Variants in SPSB1 observed in about 807,000 individuals in gnomAD.
SPSB1 encodes the protein splA/ryanodine receptor domain and SOCS box containing 1, also known as SPRY domain-containing SOCS box protein 1.
SPSB1 carries 8 observed loss-of-function variants against 21.2 expected under a neutral mutation model. That is an observed-to-expected ratio of 0.38 (90% CI 0.22 to 0.68). The LOEUF (loss-of-function observed/expected upper bound fraction) is 0.68, where lower values mean the gene tolerates loss of function less well. SPSB1 is among the 30% of genes least tolerant of loss of function. SPSB1 has a pLI of 0.53. For missense variants in SPSB1, 242 were observed against 377.8 expected (o/e 0.64, Z 2.98); for synonymous variants, 169 against 161.7 (o/e 1.05, Z -0.34).
At chr1:9,332,502 G>A (rs1479857303) in intron 1 of SPSB1, among the ~76,000 whole-genome samples, 5 of 152,198 alleles carry the variant, frequency 3.3e-5, no homozygotes, top group Admixed American at 3.3e-4. Flanking sequence ...ATGAGTGGGA[G>A]CAGGGTCACT....
At chr1:9,339,368 C>A in intron 1 of SPSB1, 4 of 904,452 alleles carry the variant, frequency 4.4e-6, no homozygotes, top group Non-Finnish European at 5.3e-6. Context: ...TGTGACTCAC[C>A]GCCAGGCCAG....
chr1:9,363,128 C>T lies in SPSB1; in HGVS notation c.695-4320C>T, dbSNP rs1368792150. Among the ~76,000 whole-genome samples the T allele has an allele frequency of 6.6e-6, 1 of 152,190 alleles. No individual in the cohort carries two copies. The highest frequency in any genetic ancestry group is 1.5e-5 in the Non-Finnish European group (1 of 68,030). ...GCATTTTTTCACGGCACGAAGCCCACGTCTGTTTCTGTGGCCATGCATTCT... is the reference window on the plus strand; with the variant it reads ...GCATTTTTTCACGGCACGAAGCCCATGTCTGTTTCTGTGGCCATGCATTCT... On this transcript the variant is annotated intron_variant, in intron 2 of 2. Coordinates refer to ENST00000328089, the MANE Select transcript of SPSB1 (RefSeq NM_025106.4). The surrounding 1 kb of genome is among the most constrained non-coding windows in gnomAD (Gnocchi z 4.5).
Position 9,324,429 on chromosome 1 carries a change from G to A in SPSB1, c.-149-31314G>A, listed in dbSNP as rs1397450584. Among the ~76,000 whole-genome samples the A allele has an allele frequency of 6.6e-6, 1 of 152,116 alleles. No homozygotes were observed. The highest frequency in any genetic ancestry group is 2.4e-5 in the African/African-American group (1 of 41,420). On this transcript the variant is annotated intron_variant, in intron 1 of 2. Coordinates refer to ENST00000328089, the MANE Select transcript of SPSB1 (RefSeq NM_025106.4). The surrounding 1 kb of genome is among the most constrained non-coding windows in gnomAD (Gnocchi z 4.3). ...GCTGTGATGAGCGTGGGGGCGTCTG[G>A]TGCCTGGGTGCACATCCCTGGCTGT...
At chr1:9,296,175 G>A (rs1570164555) in intron 1 of SPSB1, among the ~76,000 whole-genome samples, 2 of 152,200 alleles carry the variant, frequency 1.3e-5, no homozygotes, top group East Asian at 3.8e-4. Context: ...ATGGTTTCAT[G>A]GTTTCACGGT....
At chr1:9,335,943 A>T (rs1381925989) in intron 1 of SPSB1, among the ~76,000 whole-genome samples, 1 of 152,242 alleles carries the variant, frequency 6.6e-6, no homozygotes, top group African/African-American at 2.4e-5. Flanking sequence ...GCATTCATAC[A>T]TATCAAGTAC....
chr1:9,303,095 G>A (rs898699199), intron 1 of SPSB1, among the ~76,000 whole-genome samples: 4 of 152,150 alleles, frequency 2.6e-5, no homozygotes, highest in African/African-American at 9.7e-5. Context: ...GATGGTGTTG[G>A]CTGTGGAGAT....
At chr1:9,310,247 T>C (rs562522620) in intron 1 of SPSB1, among the ~76,000 whole-genome samples, 6 of 152,242 alleles carry the variant, frequency 3.9e-5, no homozygotes, top group African/African-American at 1.2e-4. Flanking sequence ...CTGGTGGGAC[T>C]TGCCTCTTGG....
At chr1:9,296,455 A>T (rs1184816909) in intron 1 of SPSB1, among the ~76,000 whole-genome samples, 2 of 152,222 alleles carry the variant, frequency 1.3e-5, no homozygotes, top group African/African-American at 4.8e-5. Context: ...TTTTGTTATT[A>T]TGGAAAATGT....
rs1639717061 is a variant in SPSB1 at position 9,321,186 on chromosome 1, A to AG, written c.-150+28116dup. 6.6e-6 allele frequency among the ~76,000 whole-genome samples: 1 copy of AG among 150,714 alleles called. No homozygotes were observed. Among genetic ancestry groups the AG allele is most frequent in the Admixed American group, 6.6e-5 (1 of 15,122 alleles). On this transcript the variant is annotated intron_variant, in intron 1 of 2. Coordinates refer to ENST00000328089, the MANE Select transcript of SPSB1 (RefSeq NM_025106.4). The surrounding 1 kb of genome is among the most constrained non-coding windows in gnomAD (Gnocchi z 4.8). The stretch of plus-strand genomic sequence containing the variant: ...CTGGAAAAAGCTCTTAAACCTTCTT[A>AG]GTTTAGTCTGCAGAGGCGTCTCAGG...
At chr1:9,329,096 G>T (rs74051624) in intron 1 of SPSB1, among the ~76,000 whole-genome samples, 12,342 of 152,226 alleles carry the variant, frequency 0.081, 1,653 homozygotes, top group African/African-American at 0.28. Context: ...AGGAGTTCGC[G>T]TGGGGGACAG....
rs1640621172 is a variant in SPSB1 at position 9,369,014 on chromosome 1, CTT to C, written c.*1441_*1442del. ...ATTTCTGCACAGGTACAATAGATGA[CTT>C]TATTTGTTTAAAATGTTTAATATAT... On this transcript the variant is annotated 3_prime_UTR_variant, in exon 3 of 3. Coordinates refer to ENST00000328089, the MANE Select transcript of SPSB1 (RefSeq NM_025106.4). 1.3e-5 allele frequency: 2 copies of C among 152,530 alleles called. No individual in the cohort carries two copies. The highest frequency in any genetic ancestry group is 4.2e-4 in the South Asian group (2 of 4,816). 9.4% of individuals were successfully genotyped at this position (152,530 alleles called of 1,614,324 possible). A position where few individuals can be genotyped will look rare whatever the true frequency, so the allele number is the denominator to read the frequency against.
intron 1 of SPSB1, among the ~76,000 whole-genome samples, chr1:9,335,943 A>G (rs1381925989): frequency 2.0e-5 from 3 of 152,242 alleles, no homozygotes; most frequent in Non-Finnish European, 4.4e-5. Context: ...GCATTCATAC[A>G]TATCAAGTAC....
chr1:9,299,366 C>T (rs1053842459), intron 1 of SPSB1, among the ~76,000 whole-genome samples: 6 of 152,182 alleles, frequency 3.9e-5, no homozygotes, highest in Non-Finnish European at 7.3e-5. Flanking sequence ...GGGCTGGGCA[C>T]GGTGGCTCAC....
Position 9,293,183 on chromosome 1 carries a change from A to C in SPSB1, c.-150+112A>C. The C allele has an allele frequency of 1.0e-6, 1 of 953,076 alleles. No individual in the cohort carries two copies. Among genetic ancestry groups the C allele is most frequent in the Non-Finnish European group, 1.2e-6 (1 of 804,482 alleles). 59.0% of individuals were successfully genotyped at this position (953,076 alleles called of 1,614,324 possible). ...CGGGGATCGCGCCGCTGGGGGACCG[A>C]GTGGGTGGCGCGGGGCCGGGCGCGG... is the stretch of plus-strand genomic sequence containing the variant. On this transcript the variant is annotated intron_variant, in intron 1 of 2. Transcript: ENST00000328089. This position sits in a 1 kb window ranked among gnomAD's most constrained non-coding sequence, Gnocchi z 5.1.
chr1:9,357,973 C>T (rs1640402041), intron 2 of SPSB1, among the ~76,000 whole-genome samples: 1 of 152,200 alleles, frequency 6.6e-6, no homozygotes, highest in African/African-American at 2.4e-5. Context: ...AGGTTCAGCT[C>T]AGCACCCTGA....
At chr1:9,361,283 G>A (rs1318842909) in intron 2 of SPSB1, among the ~76,000 whole-genome samples, 3 of 150,150 alleles carry the variant, frequency 2.0e-5, no homozygotes, top group African/African-American at 7.4e-5. Flanking sequence ...GATTACAGGC[G>A]TGAGCCACCA....
chr1:9,319,432 C>T (rs1639671293), intron 1 of SPSB1, among the ~76,000 whole-genome samples: 1 of 152,144 alleles, frequency 6.6e-6, no homozygotes, highest in Admixed American at 6.5e-5. Flanking sequence ...CCTCTTCCTC[C>T]TTCTCCTCCC....
chr1:9,324,544 G>C lies in SPSB1; in HGVS notation c.-149-31199G>C, dbSNP rs991251521. Reference sequence around the variant, plus strand: ...CTCGGTGTGTCCGATGAGGAAACCAGCTTGGGTGGGGAGGGGGAGTCAAGA... The same window carrying C: ...CTCGGTGTGTCCGATGAGGAAACCACCTTGGGTGGGGAGGGGGAGTCAAGA... On this transcript the variant is annotated intron_variant, in intron 1 of 2. Transcript: ENST00000328089. The surrounding 1 kb of genome is among the most constrained non-coding windows in gnomAD (Gnocchi z 4.3). Among the ~76,000 whole-genome samples the C allele has an allele frequency of 6.6e-6, 1 of 152,168 alleles. No individual in the cohort carries two copies. The highest frequency in any genetic ancestry group is 1.5e-5 in the Non-Finnish European group (1 of 68,024).
intron 1 of SPSB1, among the ~76,000 whole-genome samples, chr1:9,307,944 G>A (rs1182580931): frequency 6.6e-6 from 1 of 152,146 alleles, no homozygotes; most frequent in East Asian, 1.9e-4. Flanking sequence ...TGCCAGAGGT[G>A]CCCCATGGGG....
Sources: gnomAD v4.1 joint callset for allele counts (sites outside exome capture counted in the v4.1 genomes callset) on GRCh38, gnomAD v4.1.1 for gene constraint, Gnocchi (gnomAD v3.1) non-coding constraint, MANE v1.5 for transcripts, NCBI Gene and HGNC (gene_info 2026-07-23, HGNC 2026-07-21) for gene names.